LYST: variants seen among roughly 807,000 people sequenced by gnomAD.
LYST encodes the protein lysosomal trafficking regulator.
Under a neutral mutation model 413.6 loss-of-function variants are expected in LYST, and 192 were observed. The observed-to-expected ratio is 0.46, with a 90% CI of 0.41 to 0.52. LYST has a LOEUF of 0.52. LYST is among the 20% of genes least tolerant of loss of function. The pLI is 0.00. For missense variants in LYST, 3,815 were observed against 4,499.9 expected (o/e 0.85, Z 4.35); for synonymous variants, 1,525 against 1,567.3 (o/e 0.97, Z 0.64).
At chr1:235,683,386 G>A (rs919211001) in intron 48 of LYST, among the ~76,000 whole-genome samples, 2 of 152,174 alleles carry the variant, frequency 1.3e-5, no homozygotes, top group Admixed American at 6.5e-5. Context: ...ATGTGGACAC[G>A]TTACTTACTT....
At position 235,683,285 on chromosome 1, in the gene LYST, A is replaced by G. The variant is rs114243377; in HGVS notation, c.10800+3664T>C. Among the ~76,000 whole-genome samples, 439 of 152,342 alleles carry G rather than the reference A, an allele frequency of 2.9e-3. 2 individuals carry two copies. Among genetic ancestry groups the G allele is most frequent in the African/African-American group, 9.8e-3 (408 of 41,578 alleles). On this transcript the variant is annotated intron_variant, in intron 48 of 52. Coordinates refer to ENST00000389793, the MANE Select transcript of LYST (RefSeq NM_000081.4). ...TCTTTTAAATATTGTTCTTGAATGA[A>G]GTAATACTACCTTGTATAAGCTGCA...
In LYST at chr1:235,799,855, A is replaced by C. The variant is rs1419925944; in HGVS notation, c.4006+465T>G. On this transcript the variant is annotated intron_variant, in intron 10 of 52. Transcript: ENST00000389793. ...GCACTCTGGCTATTTCATTGTGTGG[A>C]TCTGAGGAACAAACGAGATAATGCA... Among the ~76,000 whole-genome samples the C allele has an allele frequency of 5.7e-5, 8 of 139,222 alleles. 1 individual carries two copies. The highest frequency in any genetic ancestry group is 2.1e-4 in the African/African-American group (8 of 38,106). The allele number at this position is 139,222 out of a possible 152,430, so 91.3% of individuals were successfully genotyped here.
At chr1:235,836,165 A>G (rs1286509267) in intron 1 of LYST, among the ~76,000 whole-genome samples, 1 of 152,220 alleles carries the variant, frequency 6.6e-6, no homozygotes, top group Non-Finnish European at 1.5e-5. Flanking sequence ...ACAAACACTG[A>G]TTTAATGTAT....
At chr1:235,752,291 A>AT (rs1484244477) in intron 26 of LYST, 120 bp from the exon 27 acceptor site, 1 of 690,404 alleles carries the variant, frequency 1.4e-6, no homozygotes, top group Admixed American at 2.3e-5. Flanking sequence ...GCACTCATTC[A>AT]TGCAGTCATT....
In LYST at chr1:235,663,981, T is replaced by C. The variant is rs1658234284; in HGVS notation, c.11267+3A>G. The C allele has an allele frequency of 1.2e-6, 2 of 1,605,058 alleles. No individual in the cohort carries two copies. Among genetic ancestry groups the C allele is most frequent in the Non-Finnish European group, 8.5e-7 (1 of 1,171,786 alleles). Reference sequence around the variant, plus strand: ...GAAGCATAAGAGGGGGAGAAGATCTTACCTGATGATGGGCTTATTTGATTT... The same window carrying C: ...GAAGCATAAGAGGGGGAGAAGATCTCACCTGATGATGGGCTTATTTGATTT... On this transcript the variant is annotated splice_donor_region_variant and intron_variant, in intron 52 of 52. Coordinates refer to ENST00000389793, the MANE Select transcript of LYST (RefSeq NM_000081.4).
intron 35 of LYST, 23 bp downstream of exon 35, chr1:235,731,009 T>C (rs763394854): frequency 6.2e-7 from 1 of 1,611,452 alleles, no homozygotes; most frequent in Non-Finnish European, 8.5e-7. Context: ...TATTTATATG[T>C]TGAGTCAAGA....
chr1:235,872,073 A>G (rs1187079437), intron 1 of LYST, among the ~76,000 whole-genome samples: 1 of 152,162 alleles, frequency 6.6e-6, no homozygotes, highest in East Asian at 1.9e-4. Context: ...AGGCGGGTGG[A>G]TCACCGGAAG....
At chr1:235,730,517 A>G (rs1363498800) in intron 36 of LYST, among the ~76,000 whole-genome samples, 1 of 151,676 alleles carries the variant, frequency 6.6e-6, no homozygotes, top group African/African-American at 2.4e-5. Flanking sequence ...ATACATATAT[A>G]TGGGTATATA....
At chr1:235,692,338 A>AAACC (rs562915674) in intron 47 of LYST, among the ~76,000 whole-genome samples, 311 of 151,300 alleles carry the variant, frequency 2.1e-3, no homozygotes, top group African/African-American at 5.9e-3. Flanking sequence ...ATCTCATAAC[A>AAACC]AACCAACCAA....
intron 14 of LYST, 106 bp downstream of exon 14, chr1:235,787,094 G>A: frequency 1.2e-6 from 1 of 844,486 alleles, no homozygotes. Flanking sequence ...TTTTATTATA[G>A]TAAAAACCTA....
Position 235,806,314 on chromosome 1 carries a change from A to G in LYST, c.2822T>C (p.Leu941Pro), listed in dbSNP as rs780696065. 5 of 1,614,084 alleles carry G rather than the reference A, an allele frequency of 3.1e-6. No homozygotes were observed. In the South Asian group the frequency reaches 5.5e-5, roughly 18 times the overall value. Residue 941 changes from leucine to proline, a missense_variant, in exon 6 of 53, where the codon CTG (leucine) becomes CCG (proline). Leu to Pro is a moderately conservative substitution (Grantham distance 98, BLOSUM62 -3). This residue lies in a region of LYST where 1,648 missense variants were observed against 1,810.3 expected (regional missense o/e 0.91). Coordinates refer to ENST00000389793, the MANE Select transcript of LYST (RefSeq NM_000081.4). Reference sequence around the variant, plus strand: ...AAGGCTCTCGAGAGATATACATGGCAGCATATGACTTAAAGGCTCGCTGGC... The same window carrying G: ...AAGGCTCTCGAGAGATATACATGGCGGCATATGACTTAAAGGCTCGCTGGC... ...STASEPLSHM[L>P]PCISLESLVL...
chr1:235,666,216 G>A (rs1438214320), intron 50 of LYST, among the ~76,000 whole-genome samples: 3 of 130,536 alleles, frequency 2.3e-5, no homozygotes, highest in Non-Finnish European at 4.7e-5. Context: ...ACAAAATGCA[G>A]TATGTACATA....
In LYST at chr1:235,746,570, T is replaced by C. The variant is rs1367157971; in HGVS notation, c.7781-43A>G. ...TTAAAACATCAAATCCCAGTGTTAA[T>C]AAGGATCAAGGAAACTATTTTTGCT... On this transcript the variant is annotated intron_variant, in intron 28 of 52. Transcript: ENST00000389793. 15 of 1,459,270 alleles carry C rather than the reference T, an allele frequency of 1.0e-5. No individual in the cohort carries two copies. The East Asian group carries it at 3.3e-4, about 32-fold the overall frequency. 90.4% of individuals were successfully genotyped at this position (1,459,270 alleles called of 1,614,324 possible).
rs1491275980 is a variant in LYST, at chr1:235,755,389, A to AAAAGAAAAGAAAAGAAAAGAAAAGAAAAG, written c.7229+60_7229+88dup. On this transcript the variant is annotated intron_variant, in intron 25 of 52. Coordinates refer to ENST00000389793, the MANE Select transcript of LYST (RefSeq NM_000081.4). ...GGGCAACAGGGCGAGACTCCGTCTC[A>AAAAGAAAAGAAAAGAAAAGAAAAGAAAAG]AAAGAAAAGAAAAGAAAAGAAAAGA... is the stretch of plus-strand genomic sequence containing the variant. 4.0e-3 allele frequency: 1,271 copies of AAAAGAAAAGAAAAGAAAAGAAAAGAAAAG among 319,184 alleles called. 20 individuals carry two copies. In the African/African-American group the frequency reaches 0.17, roughly 43 times the overall value. The allele number at this position is 319,184 out of a possible 1,614,324, so 19.8% of individuals were successfully genotyped here. A position where few individuals can be genotyped will look rare whatever the true frequency, so the allele number is the denominator to read the frequency against.
At chr1:235,831,898 T>C (rs914952463) in intron 2 of LYST, among the ~76,000 whole-genome samples, 11 of 152,206 alleles carry the variant, frequency 7.2e-5, no homozygotes, top group Admixed American at 4.6e-4. Flanking sequence ...CTGTTCATAA[T>C]TTTAGGATAC....
At chr1:235,845,704 C>T (rs10754787) in intron 1 of LYST, among the ~76,000 whole-genome samples, 76,842 of 151,794 alleles carry the variant, frequency 0.51, 22,843 homozygotes, top group African/African-American at 0.82. Context: ...GTGAGGGCTC[C>T]GACTGCTGGC....
rs112755993 is a variant in LYST at position 235,677,035 on chromosome 1, C to T, written c.11038+56G>A. 4.1e-5 allele frequency: 53 copies of T among 1,284,230 alleles called. No individual in the cohort carries two copies. The African/African-American group carries it at 5.7e-4, about 14-fold the overall frequency. The allele number at this position is 1,284,230 out of a possible 1,614,324, so 79.6% of individuals were successfully genotyped here. On this transcript the variant is annotated intron_variant, in intron 50 of 52. Coordinates refer to ENST00000389793, the MANE Select transcript of LYST (RefSeq NM_000081.4). ...GCTCGACCTAGGAGTAACCACTGGC[C>T]GAATGCGCTGTTAGAGCACCAGCCA...
intron 18 of LYST, 27 bp downstream of exon 18, chr1:235,774,886 A>C: frequency 6.7e-7 from 1 of 1,500,556 alleles, no homozygotes; most frequent in Non-Finnish European, 9.2e-7. Flanking sequence ...ATATGAAACT[A>C]TAAGAATAAA....
At chr1:235,745,252 G>A (rs755767563) in intron 29 of LYST, among the ~76,000 whole-genome samples, 22 of 152,024 alleles carry the variant, frequency 1.4e-4, no homozygotes, top group Admixed American at 2.6e-4. Flanking sequence ...GATTTATAGT[G>A]CTTTGGAGTG....
Sources: allele counts gnomAD v4.1 joint callset (sites outside exome capture counted in the v4.1 genomes callset), GRCh38; gene constraint gnomAD v4.1.1; regional missense constraint gnomAD v4.1.1; transcripts MANE v1.5; gene names NCBI Gene and HGNC (gene_info 2026-07-23, HGNC 2026-07-21).